The following LRP2 variants were observed in gnomAD, a reference collection of about 807,000 sequenced individuals.
LRP2 encodes the protein LDL receptor related protein 2.
A neutral mutation model predicts 531.0 loss-of-function variants in LRP2; 172 were observed. The ratio of observed to expected loss-of-function variants is 0.32; its 90% confidence interval spans 0.29 to 0.37. The LOEUF (loss-of-function observed/expected upper bound fraction) is 0.37, where lower values mean the gene tolerates loss of function less well. Ranked by LOEUF, LRP2 falls within the 10% of genes least tolerant of loss-of-function variation. The pLI is 1.00. For synonymous variants in LRP2, 1,992 were observed against 2,027.6 expected, an observed-to-expected ratio of 0.98 and a Z score of 0.47; for missense variants, 5,167 against 5,868.3, an observed-to-expected ratio of 0.88 and a Z score of 3.90.
Position 169,172,058 on chromosome 2 carries a change from A to G in LRP2, c.11220T>C (p.Asp3740=). 1.2e-6 allele frequency: 2 copies of G among 1,614,208 alleles called. No homozygotes were observed. The highest frequency in any genetic ancestry group is 2.2e-5 in the East Asian group (1 of 44,882). Residue 3740 remains aspartate, a synonymous_variant, in exon 58 of 79, where the codon GAT becomes GAC. Coordinates refer to ENST00000649046, the MANE Select transcript of LRP2 (RefSeq NM_004525.3). ...HHCIPLRWQC[D]GQNDCGDNSD... Reference sequence around the variant, plus strand: ...AGTTATCTCCACAGTCATTTTGCCCATCACACTGCCAACGAAGAGGGATGC... The same window carrying G: ...AGTTATCTCCACAGTCATTTTGCCCGTCACACTGCCAACGAAGAGGGATGC...
chr2:169,164,024 GC>G (rs1686688228), intron 62 of LRP2, among the ~76,000 whole-genome samples: 1 of 152,210 alleles, frequency 6.6e-6, no homozygotes, highest in Non-Finnish European at 1.5e-5. Flanking sequence ...AAGCCAGTGT[GC>G]TTTTGAAAGT....
At chr2:169,352,824 G>A (rs1013521185) in intron 1 of LRP2, among the ~76,000 whole-genome samples, 1 of 151,688 alleles carries the variant, frequency 6.6e-6, no homozygotes, top group Non-Finnish European at 1.5e-5. Context: ...TCACAGGGGG[G>A]GGAACATCAC....
At chr2:169,254,643 T>TAAAAAAAAAAAAAAAAAAAAAA (rs528767921) in intron 19 of LRP2, among the ~76,000 whole-genome samples, 14 of 73,126 alleles carry the variant, frequency 1.9e-4, no homozygotes, top group African/African-American at 4.2e-4. Flanking sequence ...TAGAGTATAA[T>TAAAAAAAAAAAAAAAAAAAAAA]AAAAAAAAAA....
Position 169,289,120 on chromosome 2 carries a change from G to C in LRP2, c.948C>G (p.Asn316Lys), listed in dbSNP as rs1407977140. The C allele has an allele frequency of 6.2e-7, 1 of 1,614,128 alleles. No individual in the cohort carries two copies. The highest frequency in any genetic ancestry group is 1.3e-5 in the African/African-American group (1 of 75,050). Residue 316 changes from asparagine (N) to lysine (K), a missense_variant, in exon 9 of 79, where the codon AAC becomes AAG. Asn to Lys is a moderately conservative substitution (Grantham distance 94). Transcript: ENST00000649046. ...YCSMTLCSAL[N>K]CQYQCHETPY... ...GCGTCTCATGGCACTGGTACTGGCA[G>C]TTCAAGGCAGAGCACAGAGTCATAC...
chr2:169,187,985 C>T lies in LRP2; in HGVS notation c.9313G>A (p.Asp3105Asn), dbSNP rs903742434. 1.9e-6 allele frequency: 3 copies of T among 1,614,064 alleles called. No homozygotes were observed. Among genetic ancestry groups the T allele is most frequent in the Admixed American group, 1.7e-5 (1 of 60,010 alleles). ...NHLDDCLDNS[D>N]EKGCGINECH... Reference sequence around the variant, plus strand: ...TTGTACTCACCACAGCCTTTCTCATCGCTGTTGTCCAAACAGTCATCTAGG... The same window carrying T: ...TTGTACTCACCACAGCCTTTCTCATTGCTGTTGTCCAAACAGTCATCTAGG... The change falls in exon 49 of 79, where the codon GAT (aspartate) becomes AAT (asparagine). Residue 3105 changes from aspartate (D) to asparagine (N), a missense_variant. Transcript: ENST00000649046.
At chr2:169,197,111 T>G in intron 45 of LRP2, 81 bp from the exon 46 acceptor site, 3 of 1,533,928 alleles carry the variant, frequency 2.0e-6, no homozygotes, top group Non-Finnish European at 2.7e-6. Context: ...CCTCTATCTC[T>G]GAGCTAGATA....
chr2:169,129,110 CCT>C, intron 77 of LRP2, 26 bp from the exon 78 acceptor site: 1 of 1,449,050 alleles, frequency 6.9e-7, no homozygotes, highest in Non-Finnish European at 9.7e-7. Context: ...AAAACAAAAA[CCT>C]CTCAGTAATG....
intron 1 of LRP2, among the ~76,000 whole-genome samples, chr2:169,348,654 T>C (rs1685760746): frequency 3.3e-5 from 5 of 152,244 alleles, no homozygotes; most frequent in Admixed American, 3.3e-4. Flanking sequence ...TAAAAGCTAC[T>C]GTATCAAATC....
Position 169,235,866 on chromosome 2 carries a change from G to A in LRP2, c.4894C>T (p.Arg1632Trp), listed in dbSNP as rs773659431. Residue 1632 changes from arginine to tryptophan, a missense_variant, in exon 29 of 79, where the codon CGG becomes TGG. Around this residue, in one of 6 missense-constraint regions of LRP2, gnomAD observed 2,811 missense variants for 3,058.0 expected, o/e 0.92. Coordinates refer to ENST00000649046, the MANE Select transcript of LRP2 (RefSeq NM_004525.3). Reference protein sequence around the residue: ...MDFCDYNGHHRRQVIASDLII... With the variant: ...MDFCDYNGHHWRQVIASDLII... ...AAATCACTGGCTATCACCTGTCTCC[G>A]ATGGTGTCCATTATAATCACAAAAG... 45 of 1,613,934 alleles carry A rather than the reference G, an allele frequency of 2.8e-5. No homozygotes were observed. Among genetic ancestry groups the A allele is most frequent in the Non-Finnish European group, 3.6e-5 (42 of 1,179,954 alleles).
chr2:169,344,235 C>T (rs1021659414), intron 1 of LRP2, among the ~76,000 whole-genome samples: 3 of 152,108 alleles, frequency 2.0e-5, no homozygotes, highest in African/African-American at 4.8e-5. Flanking sequence ...CCGTCATCTA[C>T]ACTAGGTATT....
chr2:169,169,185 G>A (rs1686899125), intron 60 of LRP2, among the ~76,000 whole-genome samples: 2 of 152,180 alleles, frequency 1.3e-5, no homozygotes, highest in Admixed American at 6.6e-5. Context: ...GAAGACATAA[G>A]AAACTCCATT....
chr2:169,189,828 C>T (rs993834204), intron 48 of LRP2, among the ~76,000 whole-genome samples: 10 of 151,716 alleles, frequency 6.6e-5, no homozygotes, highest in Non-Finnish European at 1.0e-4. Flanking sequence ...TACTATAGCC[C>T]TTTTCAAGGA....
intron 1 of LRP2, among the ~76,000 whole-genome samples, chr2:169,330,729 C>T (rs563109897): frequency 1.9e-4 from 29 of 152,206 alleles, no homozygotes; most frequent in African/African-American, 6.3e-4. Context: ...AAAAACACTC[C>T]CAGGCACATC....
intron 30 of LRP2, among the ~76,000 whole-genome samples, chr2:169,233,080 C>T (rs1239366852): frequency 3.9e-5 from 6 of 152,078 alleles, no homozygotes; most frequent in Admixed American, 6.5e-5. Flanking sequence ...AGAGTGGTAG[C>T]GGTAAGAGGA....
chr2:169,293,604 G>A (rs1684058062), intron 6 of LRP2, among the ~76,000 whole-genome samples: 1 of 152,162 alleles, frequency 6.6e-6, no homozygotes, highest in African/African-American at 2.4e-5. Context: ...GAACCCAGGA[G>A]GCGGAAGTGG....
intron 1 of LRP2, among the ~76,000 whole-genome samples, chr2:169,335,461 G>T (rs1401969653): frequency 6.6e-6 from 1 of 152,176 alleles, no homozygotes; most frequent in Non-Finnish European, 1.5e-5. Context: ...ATAAGCCATA[G>T]AATTAAGGAC....
At position 169,142,738 on chromosome 2, in the gene LRP2, T is replaced by C. The variant is rs143254052; in HGVS notation, c.13044A>G (p.Gly4348=). The change falls in exon 71 of 79, where the codon GGA becomes GGG. Residue 4348 remains glycine (G), a synonymous_variant. Coordinates refer to ENST00000649046, the MANE Select transcript of LRP2 (RefSeq NM_004525.3). ...CSHLCLLRPG[G]YSCACPQGSS... ...AGCCTTGGGGACAGGCACAGCTGTATCCTCCAGGTCTCAGAAGGCAGAGGT... is the reference window on the plus strand; with the variant it reads ...AGCCTTGGGGACAGGCACAGCTGTACCCTCCAGGTCTCAGAAGGCAGAGGT... The C allele has an allele frequency of 1.9e-5, 30 of 1,613,960 alleles. No individual in the cohort carries two copies. In the South Asian group the frequency reaches 3.2e-4, roughly 17 times the overall value.
At chr2:169,145,353 C>T (rs1213521327) in intron 70 of LRP2, among the ~76,000 whole-genome samples, 1 of 152,200 alleles carries the variant, frequency 6.6e-6, no homozygotes, top group Non-Finnish European at 1.5e-5. Context: ...CCTGACTAGC[C>T]TAGCCTTGCA....
Position 169,207,031 on chromosome 2 carries a change from G to A in LRP2, c.6689C>T (p.Ser2230Leu), listed in dbSNP as rs374860840. ...GCCCCGTGGTGTGACAATGCCCTCT[G>A]ACACAAGCACTGTTCGATTGGTACA... is the stretch of plus-strand genomic sequence containing the variant. ...LDCTNRTVLV[S>L]EGIVTPRGLA... Residue 2230 changes from serine (S) to leucine (L), a missense_variant, in exon 39 of 79, where the codon TCA (serine) becomes TTA (leucine). Ser to Leu is a moderately radical substitution (Grantham distance 145). Transcript: ENST00000649046. 37 of 1,614,196 alleles carry A rather than the reference G, an allele frequency of 2.3e-5. No individual in the cohort carries two copies. In the African/African-American group the frequency reaches 4.4e-4, roughly 19 times the overall value.
Sources: allele counts gnomAD v4.1 joint callset (sites outside exome capture counted in the v4.1 genomes callset), GRCh38; gene constraint gnomAD v4.1.1; regional missense constraint gnomAD v4.1.1; transcripts MANE v1.5; gene names NCBI Gene and HGNC (gene_info 2026-07-23, HGNC 2026-07-21).